Variants in MMP16 observed in about 807,000 individuals in gnomAD.
The protein encoded by MMP16 is matrix metalloproteinase-16.
Under a neutral mutation model 67.8 loss-of-function variants are expected in MMP16, and 12 were observed. That is an observed-to-expected ratio of 0.18 (90% CI 0.11 to 0.29). The LOEUF (loss-of-function observed/expected upper bound fraction) is 0.29. Among genes scored for constraint, MMP16 ranks in the 10% least tolerant of loss-of-function variants. The pLI, the probability that MMP16 is intolerant of heterozygous loss-of-function variation, is 1.00. For missense variants in MMP16, 475 were observed against 765.7 expected (o/e 0.62, Z 4.48); for synonymous variants, 249 against 255.9 (o/e 0.97, Z 0.26).
chr8:88,106,050 T>C (rs975975599), intron 6 of MMP16, among the ~76,000 whole-genome samples: 1 of 24,776 alleles, frequency 4.0e-5, no homozygotes, highest in Non-Finnish European at 1.2e-4. Flanking sequence ...TTACACGTTA[T>C]GTATATATAT....
In MMP16 at chr8:88,282,374, A is replaced by C. The variant is rs548228152; in HGVS notation, c.132+44701T>G. Reference sequence around the variant, plus strand: ...AGGCGTGAGCCATGGCGCTCAGCCAAATTCCAGTTTTTCTATATGCATACA... The same window carrying C: ...AGGCGTGAGCCATGGCGCTCAGCCACATTCCAGTTTTTCTATATGCATACA... On this transcript the variant is annotated intron_variant, in intron 1 of 9. Transcript: ENST00000286614. Among the ~76,000 whole-genome samples the C allele has an allele frequency of 1.4e-4, 22 of 152,334 alleles. 2 individuals carry two copies. In the South Asian group the frequency reaches 4.1e-3, roughly 29 times the overall value.
intron 4 of MMP16, among the ~76,000 whole-genome samples, chr8:88,154,982 C>T (rs1808484293): frequency 6.6e-6 from 1 of 151,916 alleles, no homozygotes; most frequent in South Asian, 2.1e-4. Flanking sequence ...TTAAATTTTA[C>T]ATAATGCTAA....
At position 88,153,714 on chromosome 8, in the gene MMP16, T is replaced by C. The variant is rs1808453394; in HGVS notation, c.709+13955A>G. Among the ~76,000 whole-genome samples the C allele has an allele frequency of 2.7e-5, 4 of 147,322 alleles. No individual in the cohort carries two copies. The Admixed American group carries it at 2.7e-4, about 10-fold the overall frequency. On this transcript the variant is annotated intron_variant, in intron 4 of 9. Transcript: ENST00000286614. ...TCCTTACACCTTATACAAAAATCAATTCAAGATGGATTAAAGATTTAAACG... is the reference window on the plus strand; with the variant it reads ...TCCTTACACCTTATACAAAAATCAACTCAAGATGGATTAAAGATTTAAACG...
intron 3 of MMP16, among the ~76,000 whole-genome samples, chr8:88,175,927 C>A (rs1266109565): frequency 6.6e-6 from 1 of 152,140 alleles, no homozygotes; most frequent in Admixed American, 6.5e-5. Context: ...GTAAGTTGTG[C>A]CTTTGTTCCT....
intron 3 of MMP16, among the ~76,000 whole-genome samples, chr8:88,175,422 A>C (rs1256848346): frequency 5.3e-5 from 8 of 152,190 alleles, no homozygotes; most frequent in Non-Finnish European, 8.8e-5. Context: ...GAAAAACAAG[A>C]ATAGAAAATG....
At chr8:88,296,943 A>AT (rs1811022836) in intron 1 of MMP16, among the ~76,000 whole-genome samples, 1 of 151,994 alleles carries the variant, frequency 6.6e-6, no homozygotes, top group Admixed American at 6.6e-5. Flanking sequence ...TAATTAAATA[A>AT]TAAAAAAAAG....
chr8:88,250,453 AT>A (rs565238689), intron 1 of MMP16, among the ~76,000 whole-genome samples: 1,992 of 152,172 alleles, frequency 0.013, 14 homozygotes, highest in Non-Finnish European at 0.021. Flanking sequence ...CATTAATTCA[AT>A]TTTTAAACCA....
In MMP16 at chr8:88,147,139, C is replaced by T. The variant is rs935924811; in HGVS notation, c.709+20530G>A. On this transcript the variant is annotated intron_variant, in intron 4 of 9. Transcript: ENST00000286614. The stretch of plus-strand genomic sequence containing the variant: ...TATTATCACCTGATCACTTTACTTG[C>T]TTTCTTATGCTATAATTTCCATCTT... Among the ~76,000 whole-genome samples, 5 of 152,072 alleles carry T rather than the reference C, an allele frequency of 3.3e-5. No individual in the cohort carries two copies. In the South Asian group the frequency reaches 1.0e-3, roughly 32 times the overall value.
At chr8:88,102,922 T>C (rs1342349796) in intron 6 of MMP16, among the ~76,000 whole-genome samples, 1 of 151,854 alleles carries the variant, frequency 6.6e-6, no homozygotes, top group African/African-American at 2.4e-5. Context: ...TGCTCAACAC[T>C]TCTCATTAGC....
chr8:88,171,858 A>T (rs1357689890), intron 3 of MMP16, among the ~76,000 whole-genome samples: 3 of 149,682 alleles, frequency 2.0e-5, no homozygotes, highest in Non-Finnish European at 4.4e-5. Context: ...ACGGAGTCTC[A>T]TTCTGTCACC....
chr8:88,207,050 C>A (rs1338004013), intron 1 of MMP16, among the ~76,000 whole-genome samples: 2 of 151,950 alleles, frequency 1.3e-5, no homozygotes, highest in Non-Finnish European at 2.9e-5. Flanking sequence ...AACCATATAT[C>A]CTGGAAATAT....
chr8:88,202,638 T>TACAC (rs140438260), intron 1 of MMP16, among the ~76,000 whole-genome samples: 1 of 150,718 alleles, frequency 6.6e-6, no homozygotes, highest in Middle Eastern at 3.4e-3. Context: ...TACATGCACA[T>TACAC]ACACACACAC....
chr8:88,063,297 T>C (rs918552986), intron 7 of MMP16, among the ~76,000 whole-genome samples: 1 of 152,042 alleles, frequency 6.6e-6, no homozygotes, highest in Non-Finnish European at 1.5e-5. Flanking sequence ...AATGTCTGTT[T>C]ATTATGAGCC....
intron 6 of MMP16, among the ~76,000 whole-genome samples, chr8:88,114,318 A>G (rs1809393230): frequency 6.6e-6 from 1 of 151,642 alleles, no homozygotes; most frequent in African/African-American, 2.4e-5. Context: ...TGTACCACCC[A>G]CTTCTTTAAC....
intron 1 of MMP16, among the ~76,000 whole-genome samples, chr8:88,199,206 C>T (rs1040560109): frequency 1.6e-4 from 24 of 152,042 alleles, no homozygotes; most frequent in African/African-American, 5.8e-4. Context: ...TAACAATAAA[C>T]CCTATGACTT....
At chr8:88,297,475 G>A (rs1256428233) in intron 1 of MMP16, among the ~76,000 whole-genome samples, 3 of 152,050 alleles carry the variant, frequency 2.0e-5, no homozygotes, top group Admixed American at 6.6e-5. Context: ...CGTATGGCCC[G>A]CTCCAAAAAT....
chr8:88,253,139 A>C (rs1023226176), intron 1 of MMP16, among the ~76,000 whole-genome samples: 1 of 152,126 alleles, frequency 6.6e-6, no homozygotes, highest in Non-Finnish European at 1.5e-5. Flanking sequence ...CACAACTAGA[A>C]TGCATTTGAC....
At position 88,302,940 on chromosome 8, in the gene MMP16, G is replaced by A. The variant is rs575100218; in HGVS notation, c.132+24135C>T. The stretch of plus-strand genomic sequence containing the variant: ...CAAAGGAACTCCCACCCCCAGCCAA[G>A]AGAAGCGGTGAGTGATTGTATGATC... On this transcript the variant is annotated intron_variant, in intron 1 of 9. Transcript: ENST00000286614. 1.0e-3 allele frequency among the ~76,000 whole-genome samples: 153 copies of A among 152,306 alleles called. 3 individuals are homozygous for A. The highest frequency in any genetic ancestry group is 8.8e-5 in the Non-Finnish European group (6 of 68,014).
chr8:88,109,080 A>G (rs1030901972), intron 6 of MMP16, among the ~76,000 whole-genome samples: 38 of 151,544 alleles, frequency 2.5e-4, no homozygotes, highest in African/African-American at 9.2e-4. Flanking sequence ...AGACAGAGTT[A>G]GAAGTAAAAA....
Sources: allele counts gnomAD v4.1 joint callset (sites outside exome capture counted in the v4.1 genomes callset), GRCh38; gene constraint gnomAD v4.1.1; transcripts MANE v1.5; gene names NCBI Gene and HGNC (gene_info 2026-07-23, HGNC 2026-07-21).